MFHAS1: variants seen among roughly 807,000 people sequenced by gnomAD.
MFHAS1 encodes the protein multifunctional ROCO family signaling regulator 1.
A neutral mutation model predicts 70.4 loss-of-function variants in MFHAS1; 50 were observed. The observed-to-expected ratio is 0.71, with a 90% CI of 0.57 to 0.90. The LOEUF is 0.90. Among genes scored for constraint, MFHAS1 ranks in the 40% least tolerant of loss-of-function variants. The probability of loss-of-function intolerance (pLI) is 0.00; values close to 1 mark genes in which losing one functional copy is unlikely to be tolerated. For missense variants in MFHAS1, 1,795 were observed against 1,347.6 expected, an observed-to-expected ratio of 1.33 and a Z score of -5.20; for synonymous variants, 952 against 620.0, an observed-to-expected ratio of 1.54 and a Z score of -7.96.
rs143685943 is a variant in MFHAS1 at position 8,784,950 on chromosome 8, G to C, written c.*1072C>G. 1 of 152,248 alleles carries C rather than the reference G, an allele frequency of 6.6e-6. No homozygotes were observed. The highest frequency in any genetic ancestry group is 2.4e-5 in the African/African-American group (1 of 41,546). The allele number at this position is 152,248 out of a possible 1,614,324, so 9.4% of individuals were successfully genotyped here. A position where few individuals can be genotyped will look rare whatever the true frequency, so the allele number is the denominator to read the frequency against. ...CTGTATTTATAAATAACCCGTGTGG[G>C]ATTATGCTCTCCAGTGAATGTAACT... On this transcript the variant is annotated 3_prime_UTR_variant, in exon 3 of 3. Coordinates refer to ENST00000276282, the MANE Select transcript of MFHAS1 (RefSeq NM_004225.3).
At chr8:8,814,157 C>T (rs1170474298) in intron 1 of MFHAS1, among the ~76,000 whole-genome samples, 1 of 152,114 alleles carries the variant, frequency 6.6e-6, no homozygotes, top group Non-Finnish European at 1.5e-5. Flanking sequence ...AGGCTGGCCT[C>T]GAACTCCTGA....
intron 1 of MFHAS1, among the ~76,000 whole-genome samples, chr8:8,824,402 G>C (rs964460332): frequency 1.3e-5 from 2 of 152,156 alleles, no homozygotes; most frequent in African/African-American, 4.8e-5. Context: ...CCTCAGAAAA[G>C]ATCCAGTCTC....
chr8:8,797,376 GC>G lies in MFHAS1; in HGVS notation c.3113del (p.Ser1038ThrfsTer54). On this transcript the variant is annotated frameshift_variant, in exon 2 of 3. Transcript: ENST00000276282. LOFTEE classifies it high-confidence loss of function. ...LVYPPTPTVI[S>X]PCSKKNVGEK... is the part of the protein sequence containing the mutation. ...CTTTGAGAACTCACTTGGAACAGGG[GC>G]TGATCACAGTCGGCGTGGGTGGGTA... 1 of 1,614,064 alleles carries G rather than the reference GC, an allele frequency of 6.2e-7. No individual in the cohort carries two copies. Among genetic ancestry groups the G allele is most frequent in the Non-Finnish European group, 8.5e-7 (1 of 1,179,990 alleles).
intron 1 of MFHAS1, among the ~76,000 whole-genome samples, chr8:8,809,155 T>C (rs758286177): frequency 6.6e-6 from 1 of 152,168 alleles, no homozygotes. Flanking sequence ...GACCAGCTAG[T>C]TGCAGGAAAA....
chr8:8,789,137 G>T (rs1057086548), intron 2 of MFHAS1, among the ~76,000 whole-genome samples: 3 of 151,958 alleles, frequency 2.0e-5, no homozygotes, highest in African/African-American at 7.3e-5. Flanking sequence ...AGTGGTGGCT[G>T]GGGGGGTTGG....
At chr8:8,851,857 G>T (rs1241029576) in intron 1 of MFHAS1, among the ~76,000 whole-genome samples, 1 of 152,196 alleles carries the variant, frequency 6.6e-6, no homozygotes, top group Non-Finnish European at 1.5e-5. Flanking sequence ...TTCCTGGCAG[G>T]TGAGACTTGA....
chr8:8,876,636 CA>C (rs1809306097), intron 1 of MFHAS1, among the ~76,000 whole-genome samples: 1 of 151,874 alleles, frequency 6.6e-6, no homozygotes, highest in Admixed American at 6.6e-5. Context: ...CTCGGCCTCC[CA>C]AAGTGCTGGG....
chr8:8,840,262 G>C (rs1025236315), intron 1 of MFHAS1, among the ~76,000 whole-genome samples: 6 of 152,102 alleles, frequency 3.9e-5, no homozygotes, highest in Non-Finnish European at 5.9e-5. Context: ...TTTCAGGCTA[G>C]CCTGGCCAAC....
chr8:8,827,341 C>A (rs984711210), intron 1 of MFHAS1, among the ~76,000 whole-genome samples: 1 of 152,188 alleles, frequency 6.6e-6, no homozygotes, highest in African/African-American at 2.4e-5. Context: ...CTTTTAAATT[C>A]TAGTCTAAGG....
intron 1 of MFHAS1, among the ~76,000 whole-genome samples, chr8:8,882,548 G>A (rs966424930): frequency 1.3e-5 from 2 of 152,244 alleles, no homozygotes; most frequent in Non-Finnish European, 2.9e-5. Flanking sequence ...GGAAGCAGAC[G>A]TTGCAGTGAG....
chr8:8,893,083 C>T lies in MFHAS1; in HGVS notation c.-25G>A. ...TGGCGGGGCCCCGGGCCGACAGCCTCACGCGGACGCGGGAGCCCGCAGCTA... is the reference window on the plus strand; with the variant it reads ...TGGCGGGGCCCCGGGCCGACAGCCTTACGCGGACGCGGGAGCCCGCAGCTA... On this transcript the variant is annotated 5_prime_UTR_variant, in exon 1 of 3. Transcript: ENST00000276282. 1 of 1,438,630 alleles carries T rather than the reference C, an allele frequency of 7.0e-7. No individual in the cohort carries two copies. The allele number at this position is 1,438,630 out of a possible 1,614,324, so 89.1% of individuals were successfully genotyped here. A position where few individuals can be genotyped will look rare whatever the true frequency, so the allele number is the denominator to read the frequency against.
chr8:8,784,421 T>C lies in MFHAS1; in HGVS notation c.*1601A>G, dbSNP rs572768218. On this transcript the variant is annotated 3_prime_UTR_variant, in exon 3 of 3. Coordinates refer to ENST00000276282, the MANE Select transcript of MFHAS1 (RefSeq NM_004225.3). ...GTGTCCTATTCAAGTATTAAAAAAA[T>C]GCAAACATCGTCTGATCCCATTCGA... The C allele has an allele frequency of 4.6e-5, 7 of 152,286 alleles. No individual in the cohort carries two copies. The highest frequency in any genetic ancestry group is 3.9e-4 in the East Asian group (2 of 5,190). 9.4% of individuals were successfully genotyped at this position (152,286 alleles called of 1,614,324 possible). A position where few individuals can be genotyped will look rare whatever the true frequency, so the allele number is the denominator to read the frequency against.
intron 1 of MFHAS1, among the ~76,000 whole-genome samples, chr8:8,803,261 A>G (rs1208355779): frequency 6.6e-6 from 1 of 152,140 alleles, no homozygotes; most frequent in Non-Finnish European, 1.5e-5. Flanking sequence ...CTGTAATACC[A>G]GCACTTTGGG....
At chr8:8,890,040 C>T in intron 1 of MFHAS1, 21 bp downstream of exon 1, 1 of 1,550,572 alleles carries the variant, frequency 6.4e-7, no homozygotes, top group Non-Finnish European at 8.8e-7. Flanking sequence ...CACAGAAGAA[C>T]TTCTCCCTCT....
rs368524640 is a variant in MFHAS1, at chr8:8,783,820, T to C, written c.*2202A>G. 4.7e-3 allele frequency: 714 copies of C among 152,280 alleles called. 7 individuals are homozygous for C. In the South Asian group the frequency reaches 0.048, roughly 10 times the overall value. The allele number at this position is 152,280 out of a possible 1,614,324, so 9.4% of individuals were successfully genotyped here. A position where few individuals can be genotyped will look rare whatever the true frequency, so the allele number is the denominator to read the frequency against. The stretch of plus-strand genomic sequence containing the variant: ...TCTTGCATAGACAGCTGAAGAGTCC[T>C]GTAGAGCAGAGTGATTTTTGTATCT... On this transcript the variant is annotated 3_prime_UTR_variant, in exon 3 of 3. Transcript: ENST00000276282.
At chr8:8,841,005 T>C (rs1408827649) in intron 1 of MFHAS1, among the ~76,000 whole-genome samples, 2 of 152,164 alleles carry the variant, frequency 1.3e-5, no homozygotes, top group Non-Finnish European at 2.9e-5. Context: ...ATAAGCCCCA[T>C]CACATGTAAT....
intron 1 of MFHAS1, among the ~76,000 whole-genome samples, chr8:8,825,919 G>A (rs1807140592): frequency 6.6e-6 from 1 of 152,272 alleles, no homozygotes; most frequent in Admixed American, 6.5e-5. Context: ...CTCAGAGGTA[G>A]AAGGAGCCTA....
At chr8:8,847,180 T>TTTTTG (rs1585049167) in intron 1 of MFHAS1, among the ~76,000 whole-genome samples, 1 of 152,106 alleles carries the variant, frequency 6.6e-6, no homozygotes, top group East Asian at 1.9e-4. Context: ...TTAGAAATAT[T>TTTTTG]TTTTGTTTTT....
chr8:8,840,697 T>C (rs1363266068), intron 1 of MFHAS1, among the ~76,000 whole-genome samples: 2 of 152,162 alleles, frequency 1.3e-5, no homozygotes, highest in Non-Finnish European at 2.9e-5. Flanking sequence ...ACAAGTCCAT[T>C]AGTTAGATGC....
Sources: allele counts gnomAD v4.1 joint callset (sites outside exome capture counted in the v4.1 genomes callset), GRCh38; gene constraint gnomAD v4.1.1; transcripts MANE v1.5; gene names NCBI Gene and HGNC (gene_info 2026-07-23, HGNC 2026-07-21).